Variants in GPAM observed in about 807,000 individuals in gnomAD.
The protein encoded by GPAM is glycerol-3-phosphate acyltransferase 1, mitochondrial.
Under a neutral mutation model 105.0 loss-of-function variants are expected in GPAM, and 56 were observed. That is an observed-to-expected ratio of 0.53 (90% CI 0.43 to 0.67). The LOEUF (loss-of-function observed/expected upper bound fraction) is 0.67. GPAM is among the 30% of genes least tolerant of loss of function. The pLI, the probability that GPAM is intolerant of heterozygous loss-of-function variation, is 0.00. For synonymous variants in GPAM, 368 were observed against 354.4 expected (o/e 1.04, Z -0.43); for missense variants, 855 against 989.8 (o/e 0.86, Z 1.83).
At chr10:112,222,300 C>A in the GPAM span, among the ~76,000 whole-genome samples, 1 of 152,058 alleles carries the variant, frequency 6.6e-6, no homozygotes, top group Non-Finnish European at 1.5e-5. Context: ...TGATTTTGCC[C>A]ACTGTTTGTG....
At chr10:112,222,994 A>G in the GPAM span, among the ~76,000 whole-genome samples, 1 of 151,992 alleles carries the variant, frequency 6.6e-6, no homozygotes, top group African/African-American at 2.4e-5. Flanking sequence ...CCAGGGCCAC[A>G]TGTACCCCAG....
chr10:112,223,838 A>T, the GPAM span, among the ~76,000 whole-genome samples: 8 of 152,148 alleles, frequency 5.3e-5, no homozygotes, highest in Admixed American at 1.3e-4. Flanking sequence ...TCAAATAAAA[A>T]CTTGTGGTGG....
chr10:112,207,536 C>G (rs1457645492), intron 1 of GPAM, among the ~76,000 whole-genome samples: 1 of 152,128 alleles, frequency 6.6e-6, no homozygotes, highest in African/African-American at 2.4e-5. Context: ...GGGAAGTAAA[C>G]CAAACACAAT....
At position 112,206,937 on chromosome 10, in the gene GPAM, G is replaced by A. The variant is rs1374491772; in HGVS notation, n.210+8231C>T. 2.0e-5 allele frequency among the ~76,000 whole-genome samples: 3 copies of A among 151,704 alleles called. No individual in the cohort carries two copies. In the East Asian group the frequency reaches 5.8e-4, roughly 29 times the overall value. On this transcript the variant is annotated intron_variant and non_coding_transcript_variant, in intron 1 of 3. Coordinates refer to the GPAM transcript ENST00000480130. ...ATCCAGCTCTCATTCAGATTTCCAT[G>A]AAGTAGATGCCCCTTTCTCAACAGA...
intron 14 of GPAM, 53 bp from the exon 15 acceptor site, chr10:112,161,790 G>T: frequency 1.5e-6 from 2 of 1,358,422 alleles, no homozygotes; most frequent in Non-Finnish European, 2.1e-6. Flanking sequence ...AAACATAGCT[G>T]AACTTTTTTG....
Position 112,150,764 on chromosome 10 carries a change from C to A in GPAM, c.*2786G>T. On this transcript the variant is annotated 3_prime_UTR_variant, in exon 22 of 22. Coordinates refer to ENST00000348367, the MANE Select transcript of GPAM (RefSeq NM_001244949.2). ...GTGCAAACTTGGTTTCCCAGCAACA[C>A]CATTTCTATAAAACACTGATGAACA... The A allele has an allele frequency of 2.8e-5, 28 of 985,318 alleles. No individual in the cohort carries two copies. Among genetic ancestry groups the A allele is most frequent in the Non-Finnish European group, 3.4e-5 (28 of 829,856 alleles). 61.0% of individuals were successfully genotyped at this position (985,318 alleles called of 1,614,324 possible). A position where few individuals can be genotyped will look rare whatever the true frequency, so the allele number is the denominator to read the frequency against.
At chr10:112,200,981 C>T (rs916910638) in intron 1 of GPAM, among the ~76,000 whole-genome samples, 1 of 152,040 alleles carries the variant, frequency 6.6e-6, no homozygotes, top group Non-Finnish European at 1.5e-5. Context: ...TCTGAGTGAC[C>T]CTAGAGACAA....
At position 112,164,705 on chromosome 10, in the gene GPAM, T is replaced by C. The variant is rs1190104843; in HGVS notation, c.1222-95A>G. 7 of 763,836 alleles carry C rather than the reference T, an allele frequency of 9.2e-6. No homozygotes were observed. In the South Asian group the frequency reaches 1.0e-4, roughly 11 times the overall value. 47.3% of individuals were successfully genotyped at this position (763,836 alleles called of 1,614,324 possible). A position where few individuals can be genotyped will look rare whatever the true frequency, so the allele number is the denominator to read the frequency against. ...TTCCAAAGGTTAAAAGGGAGTTGTT[T>C]ATGAAATAAGCCATGCTATAGAGCA... On this transcript the variant is annotated intron_variant, in intron 12 of 21. Transcript: ENST00000348367.
chr10:112,161,564 A>G (rs1043313834), intron 15 of GPAM, 103 bp downstream of exon 15: 5 of 838,334 alleles, frequency 6.0e-6, no homozygotes, highest in Non-Finnish European at 1.0e-5. Context: ...ACCTCATAGT[A>G]CTAGCCATGA....
At position 112,155,988 on chromosome 10, in the gene GPAM, C is replaced by T. The variant is rs752274544; in HGVS notation, c.2187G>A (p.Leu729=). ...AGATGGCAGCAGAGCTGTAGGCCTC[C>T]AGCAAAGGCCCAAGGAGTCTCTGTA... ...TFLQRLLGPL[L]EAYSSAAIFV... Residue 729 remains leucine, a synonymous_variant, in exon 20 of 22, where the codon CTG becomes CTA. Transcript: ENST00000348367. 4 of 1,612,052 alleles carry T rather than the reference C, an allele frequency of 2.5e-6. No individual in the cohort carries two copies. The highest frequency in any genetic ancestry group is 4.5e-5 in the East Asian group (2 of 44,862).
upstream of GPAM, among the ~76,000 whole-genome samples, chr10:112,218,835 G>A (rs914022293): frequency 7.9e-5 from 12 of 152,196 alleles, no homozygotes; most frequent in African/African-American, 1.4e-4. Flanking sequence ...CATGGTGCAC[G>A]TGGGAGTGTC....
At chr10:112,217,788 A>G (rs1847985671), upstream of GPAM, among the ~76,000 whole-genome samples, 1 of 152,176 alleles carries the variant, frequency 6.6e-6, no homozygotes, top group Non-Finnish European at 1.5e-5. Flanking sequence ...ACTTGCCAAA[A>G]TCTACCCAGG....
At chr10:112,154,952 T>G (rs972608691) in intron 20 of GPAM, 1 of 541,054 alleles carries the variant, frequency 1.8e-6, no homozygotes, top group Non-Finnish European at 3.3e-6. Flanking sequence ...GAGAGAGAAA[T>G]AGGGAGAACA....
In GPAM at chr10:112,172,847, G is replaced by A. The variant is rs145857419; in HGVS notation, c.657+123C>T. On this transcript the variant is annotated intron_variant, in intron 8 of 21. Coordinates refer to ENST00000348367, the MANE Select transcript of GPAM (RefSeq NM_001244949.2). ...CACAGCTATTGAAGTTATCATAAAT[G>A]AGGGAAATCTTCCAAATGGGTTGAA... The A allele has an allele frequency of 3.3e-3, 2,370 of 717,838 alleles. 25 individuals carry two copies. The highest frequency in any genetic ancestry group is 0.014 in the South Asian group (938 of 67,340). The allele number at this position is 717,838 out of a possible 1,614,324, so 44.5% of individuals were successfully genotyped here. A position where few individuals can be genotyped will look rare whatever the true frequency, so the allele number is the denominator to read the frequency against.
intron 9 of GPAM, among the ~76,000 whole-genome samples, chr10:112,169,721 G>C (rs749496370): frequency 1.3e-5 from 2 of 152,092 alleles, no homozygotes; most frequent in Non-Finnish European, 2.9e-5. Context: ...GACCAATACC[G>C]GTCCCCGGCC....
intron 5 of GPAM, among the ~76,000 whole-genome samples, chr10:112,177,445 G>C (rs552930964): frequency 1.3e-5 from 2 of 152,134 alleles, no homozygotes; most frequent in African/African-American, 2.4e-5. Context: ...CCCTGGCCTA[G>C]AGTCAGATAA....
the GPAM span, among the ~76,000 whole-genome samples, chr10:112,222,849 G>A: frequency 5.9e-5 from 9 of 152,048 alleles, no homozygotes; most frequent in Admixed American, 1.3e-4. Context: ...TACCCATGGC[G>A]TGGGTAAATG....
At chr10:112,194,124 A>T (rs1847695538) in intron 1 of GPAM, among the ~76,000 whole-genome samples, 1 of 152,240 alleles carries the variant, frequency 6.6e-6, no homozygotes. Context: ...ACCCAGGCTG[A>T]GGAAGGTTCC....
At position 112,180,461 on chromosome 10, in the gene GPAM, T is replaced by G; in HGVS notation, c.225+12A>C. On this transcript the variant is annotated intron_variant, in intron 4 of 21. Transcript: ENST00000348367. ...GCTGAGTATTAGGGTCAATAAGCAG[T>G]AAGGTTCTTACCCAGCTCTGGGGAG... is the stretch of plus-strand genomic sequence containing the variant. 1 of 1,613,298 alleles carries G rather than the reference T, an allele frequency of 6.2e-7. No homozygotes were observed. Among genetic ancestry groups the G allele is most frequent in the Non-Finnish European group, 8.5e-7 (1 of 1,179,264 alleles).
Sources: gnomAD v4.1 joint callset for allele counts (sites outside exome capture counted in the v4.1 genomes callset) on GRCh38, gnomAD v4.1.1 for gene constraint, MANE v1.5 for transcripts, NCBI Gene and HGNC (gene_info 2026-07-23, HGNC 2026-07-21) for gene names.